Variants in CLINT1 observed in about 807,000 individuals in gnomAD.
The protein encoded by CLINT1 is clathrin interacting protein localized in the trans-Golgi region.
CLINT1 carries 15 observed loss-of-function variants against 70.4 expected under a neutral mutation model. That is an observed-to-expected ratio of 0.21 (90% CI 0.14 to 0.33). The LOEUF (loss-of-function observed/expected upper bound fraction) is 0.33. CLINT1 is among the 10% of genes least tolerant of loss of function. The probability of loss-of-function intolerance (pLI) is 1.00; values close to 1 mark genes in which losing one functional copy is unlikely to be tolerated. For missense variants in CLINT1, 615 were observed against 778.1 expected, an observed-to-expected ratio of 0.79 and a Z score of 2.49; for synonymous variants, 227 against 254.7, an observed-to-expected ratio of 0.89 and a Z score of 1.04.
At position 157,801,201 on chromosome 5, in the gene CLINT1, T is replaced by C. The variant is rs571069578; in HGVS notation, c.1012+2449A>G. On this transcript the variant is annotated intron_variant, in intron 8 of 11. Transcript: ENST00000411809. ...AGTTACAGAAAAACGGGAAAGGGAA[T>C]TGAAGAATTTCAGAAAGTAGGCTGG... Among the ~76,000 whole-genome samples, 6 of 152,252 alleles carry C rather than the reference T, an allele frequency of 3.9e-5. No individual in the cohort carries two copies. In the East Asian group the frequency reaches 7.7e-4, roughly 20 times the overall value.
intron 1 of CLINT1, among the ~76,000 whole-genome samples, chr5:157,819,419 C>A (rs1005282905): frequency 6.6e-6 from 1 of 152,140 alleles, no homozygotes; most frequent in Non-Finnish European, 1.5e-5. Flanking sequence ...TGCCCACCCC[C>A]CCTTAAAAAT....
chr5:157,818,466 CTAAA>C (rs1225896005), intron 1 of CLINT1, among the ~76,000 whole-genome samples: 1 of 100,308 alleles, frequency 1.0e-5, no homozygotes, highest in African/African-American at 4.1e-5. Flanking sequence ...GACCTGGTCT[CTAAA>C]AAAAAAAAAA....
rs748327340 is a variant in CLINT1, at chr5:157,791,864, A to T, written c.1219T>A (p.Ser407Thr). The T allele has an allele frequency of 3.1e-6, 5 of 1,613,966 alleles. No homozygotes were observed. The highest frequency in any genetic ancestry group is 4.2e-6 in the Non-Finnish European group (5 of 1,179,878). The change falls in exon 10 of 12, where the codon TCA becomes ACA. Residue 407 changes from serine (S) to threonine (T), a missense_variant. Physicochemically the swap from Ser to Thr is moderately conservative, Grantham distance 58. Transcript: ENST00000411809. ...SQPAVELVSG[S>T]QSALGPPPAA... ...GGAGGTGGGCCTAGAGCTGATTGTG[A>T]GCCACTAACAAGTTCTACCGCTGGC... is the stretch of plus-strand genomic sequence containing the variant.
At chr5:157,796,440 T>C (rs1762069961) in intron 8 of CLINT1, among the ~76,000 whole-genome samples, 1 of 152,380 alleles carries the variant, frequency 6.6e-6, no homozygotes, top group South Asian at 2.1e-4. Context: ...TCCTTATTTT[T>C]GTCTGTCCTT....
intron 1 of CLINT1, among the ~76,000 whole-genome samples, chr5:157,854,446 G>A (rs946513989): frequency 3.9e-5 from 6 of 152,130 alleles, no homozygotes; most frequent in Non-Finnish European, 8.8e-5. Flanking sequence ...AATTAGCCAC[G>A]CATGGAGGCG....
intron 2 of CLINT1, 96 bp downstream of exon 2, chr5:157,817,347 G>A: frequency 1.4e-6 from 1 of 722,906 alleles, no homozygotes; most frequent in South Asian, 1.8e-5. Context: ...TTTATATTTT[G>A]GCAGCCAAAT....
chr5:157,813,357 G>A (rs1762618377), intron 4 of CLINT1, 130 bp from the exon 5 acceptor site: 2 of 828,436 alleles, frequency 2.4e-6, no homozygotes, highest in Non-Finnish European at 3.6e-6. Context: ...AATAGAAAGG[G>A]GCAAGTTGTG....
At position 157,787,858 on chromosome 5, in the gene CLINT1, C is replaced by T; in HGVS notation, c.1666G>A (p.Val556Met). 6.2e-7 allele frequency: 1 copy of T among 1,613,938 alleles called. No homozygotes were observed. Among genetic ancestry groups the T allele is most frequent in the Non-Finnish European group, 8.5e-7 (1 of 1,179,870 alleles). The change falls in exon 12 of 12, where the codon GTG becomes ATG. Residue 556 changes from valine (V) to methionine (M), a missense_variant. Coordinates refer to ENST00000411809, the MANE Select transcript of CLINT1 (RefSeq NM_014666.4). ...GCCATTCCCATGGTGCCAGTCATCA[C>T]ATTGGGCATGCTCATAGGCATGGGT... ...GGPMPMSMPN[V>M]MTGTMGMAPL...
At chr5:157,802,884 A>G (rs1181634434) in intron 8 of CLINT1, among the ~76,000 whole-genome samples, 1 of 152,178 alleles carries the variant, frequency 6.6e-6, no homozygotes, top group Non-Finnish European at 1.5e-5. Flanking sequence ...ATACTTTCAG[A>G]GAATGTCATT....
chr5:157,858,914 GC>G lies in CLINT1; in HGVS notation c.41+15del, dbSNP rs749294153. On this transcript the variant is annotated intron_variant, in intron 1 of 11. Coordinates refer to ENST00000411809, the MANE Select transcript of CLINT1 (RefSeq NM_014666.4). The stretch of plus-strand genomic sequence containing the variant: ...CCCCACGTGGGCCTCGGCCACAACT[GC>G]CCCCCGATACTCACGCTTTGTCCAC... 58 of 1,456,462 alleles carry G rather than the reference GC, an allele frequency of 4.0e-5. No homozygotes were observed. Among genetic ancestry groups the G allele is most frequent in the Non-Finnish European group, 5.0e-5 (54 of 1,078,944 alleles). The allele number at this position is 1,456,462 out of a possible 1,614,324, so 90.2% of individuals were successfully genotyped here.
intron 1 of CLINT1, among the ~76,000 whole-genome samples, chr5:157,838,606 T>C (rs1268278883): frequency 6.6e-6 from 1 of 152,218 alleles, no homozygotes; most frequent in Non-Finnish European, 1.5e-5. Flanking sequence ...AGCATTTAAT[T>C]AGAATAGTGC....
At chr5:157,831,190 CTTTT>C (rs34655817) in intron 1 of CLINT1, among the ~76,000 whole-genome samples, 1 of 140,704 alleles carries the variant, frequency 7.1e-6, no homozygotes. Context: ...TCGTGTTTTA[CTTTT>C]TTTTTTTTTT....
rs1397075422 is a variant in CLINT1 at position 157,809,275 on chromosome 5, G to A, written c.695+353C>T. On this transcript the variant is annotated intron_variant, in intron 6 of 11. Coordinates refer to ENST00000411809, the MANE Select transcript of CLINT1 (RefSeq NM_014666.4). ...TAATGAGGAATATTATGCATTTGTCGAAACCCATAGAAGTGTACAATATAG... is the reference window on the plus strand; with the variant it reads ...TAATGAGGAATATTATGCATTTGTCAAAACCCATAGAAGTGTACAATATAG... 8 of 170,628 alleles carry A rather than the reference G, an allele frequency of 4.7e-5. No homozygotes were observed. In the South Asian group the frequency reaches 7.1e-4, roughly 15 times the overall value. The allele number at this position is 170,628 out of a possible 1,614,324, so 10.6% of individuals were successfully genotyped here. A position where few individuals can be genotyped will look rare whatever the true frequency, so the allele number is the denominator to read the frequency against.
rs1674769771 is a variant in CLINT1, at chr5:157,812,732, G to A, written c.517+331C>T. Among the ~76,000 whole-genome samples the A allele has an allele frequency of 2.0e-5, 3 of 152,134 alleles. No individual in the cohort carries two copies. In the South Asian group the frequency reaches 6.2e-4, roughly 32 times the overall value. ...TTTTTATTTTTATACTCTAAACTCT[G>A]AGTTATAGAAACTTTCTTCCCCCTT... On this transcript the variant is annotated intron_variant, in intron 5 of 11. Transcript: ENST00000411809.
intron 1 of CLINT1, among the ~76,000 whole-genome samples, chr5:157,828,438 T>C (rs574648779): frequency 3.3e-5 from 5 of 152,042 alleles, no homozygotes; most frequent in Admixed American, 6.5e-5. Flanking sequence ...TCCATGGCCA[T>C]AGAAGAAGAA....
In CLINT1 at chr5:157,844,011, A is replaced by G. The variant is rs561814146; in HGVS notation, c.41+14919T>C. Among the ~76,000 whole-genome samples, 93 of 152,270 alleles carry G rather than the reference A, an allele frequency of 6.1e-4. 1 individual carries two copies. Among genetic ancestry groups the G allele is most frequent in the African/African-American group, 1.5e-3 (63 of 41,568 alleles). On this transcript the variant is annotated intron_variant, in intron 1 of 11. Transcript: ENST00000411809. ...ACAGAATGATAAAATGAAAAATCCT[A>G]TATCTCAACAGTGGTAAGAGTGATA...
intron 1 of CLINT1, among the ~76,000 whole-genome samples, chr5:157,845,526 T>C (rs1237464109): frequency 6.6e-6 from 1 of 151,970 alleles, no homozygotes; most frequent in Non-Finnish European, 1.5e-5. Context: ...TTAAGGTTTA[T>C]GGCAACCTTG....
rs1762379436 is a variant in CLINT1, at chr5:157,806,226, T to G, written c.696-114A>C. 13 of 1,006,720 alleles carry G rather than the reference T, an allele frequency of 1.3e-5. No homozygotes were observed. The South Asian group carries it at 2.0e-4, about 16-fold the overall frequency. The allele number at this position is 1,006,720 out of a possible 1,614,324, so 62.4% of individuals were successfully genotyped here. On this transcript the variant is annotated intron_variant, in intron 6 of 11. Coordinates refer to ENST00000411809, the MANE Select transcript of CLINT1 (RefSeq NM_014666.4). ...ACAGTAACTCCAAAATTTCATACTTTGACTACTTGACAGGGATCAACAGAA... is the reference window on the plus strand; with the variant it reads ...ACAGTAACTCCAAAATTTCATACTTGGACTACTTGACAGGGATCAACAGAA...
At chr5:157,817,623 A>C in intron 1 of CLINT1, 76 bp from the exon 2 acceptor site, 2 of 946,870 alleles carry the variant, frequency 2.1e-6, no homozygotes, top group Non-Finnish European at 1.6e-6. Context: ...AAACTTAATA[A>C]TGACACTACT....
Sources: gnomAD v4.1 joint callset for allele counts (sites outside exome capture counted in the v4.1 genomes callset) on GRCh38, gnomAD v4.1.1 for gene constraint, MANE v1.5 for transcripts, NCBI Gene and HGNC (gene_info 2026-07-23, HGNC 2026-07-21) for gene names.